The following SPICE1 variants were observed in gnomAD, a reference collection of about 807,000 sequenced individuals.
SPICE1 encodes the protein spindle and centriole associated protein 1.
Under a neutral mutation model 102.7 loss-of-function variants are expected in SPICE1, and 75 were observed. The observed-to-expected ratio is 0.73, with a 90% CI of 0.61 to 0.88. The LOEUF is 0.88. Ranked by LOEUF, SPICE1 falls within the 40% of genes least tolerant of loss-of-function variation. The pLI is 0.00. For missense variants in SPICE1, 979 were observed against 1,020.1 expected, an observed-to-expected ratio of 0.96 and a Z score of 0.55; for synonymous variants, 308 against 350.3, an observed-to-expected ratio of 0.88 and a Z score of 1.35.
chr3:113,504,269 T>C (rs1937064876), intron 2 of SPICE1, among the ~76,000 whole-genome samples: 1 of 152,064 alleles, frequency 6.6e-6, no homozygotes, highest in African/African-American at 2.4e-5. Flanking sequence ...CTACACAGAT[T>C]TGGTAAGGCA....
intron 7 of SPICE1, among the ~76,000 whole-genome samples, chr3:113,483,202 TG>T (rs1936554412): frequency 6.6e-6 from 1 of 152,154 alleles, no homozygotes; most frequent in African/African-American, 2.4e-5. Flanking sequence ...TTTGGCTCTC[TG>T]TTTGTCTGTT....
rs571021459 is a variant in SPICE1, at chr3:113,468,203, C to T, written c.1091G>A (p.Gly364Asp). 1.9e-6 allele frequency: 3 copies of T among 1,614,038 alleles called. No individual in the cohort carries two copies. Among genetic ancestry groups the T allele is most frequent in the African/African-American group, 2.7e-5 (2 of 74,910 alleles). The part of the protein sequence containing the change: ...REVKGLQSSQ[G>D]LTGFTLSLVS... ...CAGCGACAAAGTGAAGCCTGTAAGA[C>T]CCTGACTGCTCTGCAGACCCTTGAC... is the stretch of plus-strand genomic sequence containing the variant. The change falls in exon 10 of 18, where the codon GGT becomes GAT. Residue 364 changes from glycine to aspartate, a missense_variant. Gly to Asp is a moderately conservative substitution (Grantham distance 94). Coordinates refer to ENST00000295872, the MANE Select transcript of SPICE1 (RefSeq NM_144718.4).
chr3:113,503,296 G>C, intron 2 of SPICE1, 69 bp from the exon 3 acceptor site: 1 of 1,399,270 alleles, frequency 7.1e-7, no homozygotes, highest in Non-Finnish European at 9.5e-7. Flanking sequence ...ACATTTATTG[G>C]ATTTTAATGG....
chr3:113,451,177 C>T (rs1412037371), intron 14 of SPICE1, among the ~76,000 whole-genome samples: 2 of 152,192 alleles, frequency 1.3e-5, no homozygotes, highest in Non-Finnish European at 2.9e-5. Context: ...AATCTTGTCA[C>T]TCCTTCTAAC....
At chr3:113,486,957 TAA>T (rs987977449) in intron 7 of SPICE1, among the ~76,000 whole-genome samples, 1 of 151,488 alleles carries the variant, frequency 6.6e-6, no homozygotes, top group African/African-American at 2.4e-5. Flanking sequence ...CCTACAAGGG[TAA>T]GTGTAGACGG....
chr3:113,488,854 C>A, intron 7 of SPICE1, 91 bp downstream of exon 7: 1 of 703,610 alleles, frequency 1.4e-6, no homozygotes, highest in Non-Finnish European at 2.4e-6. Context: ...AAATAAACTC[C>A]CATTTAATAA....
At chr3:113,481,454 T>C (rs1404495960) in intron 7 of SPICE1, among the ~76,000 whole-genome samples, 2 of 152,040 alleles carry the variant, frequency 1.3e-5, no homozygotes, top group Admixed American at 6.5e-5. Context: ...CTGGGGTATA[T>C]GTGCAGAACG....
chr3:113,472,045 G>C (rs1936213796), intron 7 of SPICE1, among the ~76,000 whole-genome samples: 2 of 152,230 alleles, frequency 1.3e-5, no homozygotes, highest in Admixed American at 1.3e-4. Flanking sequence ...GTCAAAGAAA[G>C]GGGTGACAGA....
intron 15 of SPICE1, among the ~76,000 whole-genome samples, chr3:113,448,574 T>C (rs1935571241): frequency 6.6e-6 from 1 of 152,162 alleles, no homozygotes; most frequent in African/African-American, 2.4e-5. Context: ...ACTGAAGACA[T>C]TAAAGTAGGA....
At chr3:113,489,291 G>A (rs1273341068) in intron 6 of SPICE1, among the ~76,000 whole-genome samples, 1 of 151,944 alleles carries the variant, frequency 6.6e-6, no homozygotes, top group East Asian at 1.9e-4. Context: ...ATTTAAATGT[G>A]AGCAAGCCTC....
chr3:113,511,633 A>G (rs1937222540), intron 1 of SPICE1, among the ~76,000 whole-genome samples: 1 of 152,184 alleles, frequency 6.6e-6, no homozygotes, highest in South Asian at 2.1e-4. Flanking sequence ...GCAGGGAGAC[A>G]GAGCATCAGG....
chr3:113,469,028 CAA>C (rs1936130771), intron 8 of SPICE1, 69 bp downstream of exon 8: 1 of 1,565,526 alleles, frequency 6.4e-7, no homozygotes, highest in African/African-American at 1.4e-5. Context: ...AACATTCCTT[CAA>C]AAATTACTGC....
In SPICE1 at chr3:113,514,898, T is replaced by C. The variant is rs1289012987; in HGVS notation, c.-2A>G. The C allele has an allele frequency of 3.4e-6, 4 of 1,184,606 alleles. No homozygotes were observed. The Admixed American group carries it at 1.4e-4, about 42-fold the overall frequency. The allele number at this position is 1,184,606 out of a possible 1,614,324, so 73.4% of individuals were successfully genotyped here. ...CCAGACACGCACCCTGACACGTACT[T>C]GCACTCTCAAAACACAGAGCCGCGG... On this transcript the variant is annotated splice_region_variant and 5_prime_UTR_variant, in exon 1 of 18. Transcript: ENST00000295872.
Position 113,506,533 on chromosome 3 carries a change from T to C in SPICE1, c.73A>G (p.Lys25Glu), listed in dbSNP as rs1937115299. 3 of 1,613,430 alleles carry C rather than the reference T, an allele frequency of 1.9e-6. No individual in the cohort carries two copies. The African/African-American group carries it at 4.0e-5, about 22-fold the overall frequency. The change falls in exon 2 of 18, where the codon AAA (lysine) becomes GAA (glutamate). Residue 25 changes from lysine (K) to glutamate (E), a missense_variant. By Grantham distance (56) the Lys-to-Glu change is moderately conservative. Coordinates refer to ENST00000295872, the MANE Select transcript of SPICE1 (RefSeq NM_144718.4). ...TCCCATTCTTGTTTCACTGAAGTTT[T>C]CTTCTTCTTTACTTTCGGTGTCTTT... ...VRKTPKVKKK[K>E]TSVKQEWDNT...
At chr3:113,446,923 T>A (rs2129431) in intron 16 of SPICE1, among the ~76,000 whole-genome samples, 6,201 of 152,240 alleles carry the variant, frequency 0.041, 151 homozygotes, top group East Asian at 0.1. Context: ...TCTCCCAGAA[T>A]TCGCCCATGT....
chr3:113,469,245 A>G lies in SPICE1; in HGVS notation c.612-7T>C. On this transcript the variant is annotated splice_region_variant and splice_polypyrimidine_tract_variant and intron_variant, in intron 7 of 17. Coordinates refer to ENST00000295872, the MANE Select transcript of SPICE1 (RefSeq NM_144718.4). ...TGTTAGTTGTTGGAGAAACCTATAA[A>G]TTACAGGACAATAAGCTACATGAGA... 2 of 1,506,414 alleles carry G rather than the reference A, an allele frequency of 1.3e-6. No individual in the cohort carries two copies. The highest frequency in any genetic ancestry group is 1.4e-5 in the South Asian group (1 of 71,628). 93.3% of individuals were successfully genotyped at this position (1,506,414 alleles called of 1,614,324 possible).
At chr3:113,459,330 T>C in intron 12 of SPICE1, 1 of 373,656 alleles carries the variant, frequency 2.7e-6, no homozygotes, top group Non-Finnish European at 3.7e-6. Flanking sequence ...TTTGTTCACA[T>C]GTTTATCTGC....
rs779010308 is a variant in SPICE1, at chr3:113,506,527, A to T, written c.79T>A (p.Ser27Thr). ...CTCACATCCCATTCTTGTTTCACTG[A>T]AGTTTTCTTCTTCTTTACTTTCGGT... ...KTPKVKKKKT[S>T]VKQEWDNTVT... The change falls in exon 2 of 18, where the codon TCA becomes ACA. Residue 27 changes from serine (S) to threonine (T), a missense_variant. Transcript: ENST00000295872. 3.7e-6 allele frequency: 6 copies of T among 1,613,180 alleles called. No individual in the cohort carries two copies. In the Admixed American group the frequency reaches 1.0e-4, roughly 27 times the overall value.
At chr3:113,480,240 C>G (rs1277511168) in intron 7 of SPICE1, among the ~76,000 whole-genome samples, 1 of 149,320 alleles carries the variant, frequency 6.7e-6, no homozygotes, top group Non-Finnish European at 1.5e-5. Context: ...AAAAAAAGCA[C>G]CATGCGCAAA....
Sources: gnomAD v4.1 joint callset for allele counts (sites outside exome capture counted in the v4.1 genomes callset) on GRCh38, gnomAD v4.1.1 for gene constraint, MANE v1.5 for transcripts, NCBI Gene and HGNC (gene_info 2026-07-23, HGNC 2026-07-21) for gene names.